Variants in HSPA9 observed in about 807,000 individuals in gnomAD.
HSPA9 encodes stress-70 protein, mitochondrial.
HSPA9 carries 28 observed loss-of-function variants against 81.5 expected under a neutral mutation model. That is an observed-to-expected ratio of 0.34 (90% CI 0.25 to 0.47). The LOEUF (loss-of-function observed/expected upper bound fraction) is 0.47, where lower values mean the gene tolerates loss of function less well. HSPA9 is among the 20% of genes least tolerant of loss of function. The pLI is 1.00. For missense variants in HSPA9, 678 were observed against 838.0 expected, an observed-to-expected ratio of 0.81 and a Z score of 2.36; for synonymous variants, 293 against 290.4, an observed-to-expected ratio of 1.01 and a Z score of -0.09.
intron 3 of HSPA9, among the ~76,000 whole-genome samples, chr5:138,572,508 T>C (rs1267154892): frequency 1.3e-5 from 2 of 152,228 alleles, no homozygotes; most frequent in Admixed American, 1.3e-4. Flanking sequence ...GTAATGCATG[T>C]TGTTCATTGG....
At chr5:138,574,038 C>T (rs750992062) in intron 2 of HSPA9, 30 bp downstream of exon 2, 2 of 1,556,192 alleles carry the variant, frequency 1.3e-6, no homozygotes, top group Non-Finnish European at 1.8e-6. Context: ...AATATGTATT[C>T]CCTCTCAAAG....
chr5:138,560,717 T>C, intron 10 of HSPA9: 1 of 240,304 alleles, frequency 4.2e-6, no homozygotes, highest in Non-Finnish European at 8.6e-6. Context: ...CCCACCAAAT[T>C]TTTTATATTT....
At position 138,553,940 on chromosome 5, in the gene HSPA9, A is replaced by G. The variant is rs1750467860; in HGVS notation, c.*2097T>C. 6.6e-6 allele frequency among the ~76,000 whole-genome samples: 1 copy of G among 152,192 alleles called. No homozygotes were observed. On this transcript the variant is annotated 3_prime_UTR_variant, in exon 17 of 17. Transcript: ENST00000297185. ...TAGAACTGCCAGAGCTAAGACATCCATATTCTTCTAACCTCGGACTAGGAC... is the reference window on the plus strand; with the variant it reads ...TAGAACTGCCAGAGCTAAGACATCCGTATTCTTCTAACCTCGGACTAGGAC...
intron 10 of HSPA9, chr5:138,561,127 G>A: frequency 2.1e-6 from 1 of 477,260 alleles, no homozygotes; most frequent in Non-Finnish European, 4.3e-6. Flanking sequence ...TTGTCAAAGA[G>A]ATGCACTAAG....
chr5:138,574,237 A>C (rs933918595), intron 1 of HSPA9, 111 bp from the exon 2 acceptor site: 1 of 753,860 alleles, frequency 1.3e-6, no homozygotes, highest in Non-Finnish European at 2.4e-6. Flanking sequence ...TAAAACAGTA[A>C]ATATTAAAGT....
chr5:138,559,755 A>T (rs1440616897), intron 11 of HSPA9, 109 bp downstream of exon 11: 1 of 772,734 alleles, frequency 1.3e-6, no homozygotes, highest in East Asian at 2.6e-5. Context: ...CTAAACTGTA[A>T]AACAGATAAA....
chr5:138,567,760 G>C (rs1750797175), intron 5 of HSPA9, 38 bp from the exon 6 acceptor site: 2 of 1,456,888 alleles, frequency 1.4e-6, no homozygotes, highest in Non-Finnish European at 1.9e-6. Context: ...AATTCTGTCA[G>C]AACAGAATTA....
chr5:138,571,960 C>CTTTTTTTTTTTTTTTTTT (rs10694029), intron 3 of HSPA9, among the ~76,000 whole-genome samples: 6 of 100,456 alleles, frequency 6.0e-5, no homozygotes, highest in African/African-American at 2.5e-4. Flanking sequence ...CTGCGCCTGG[C>CTTTTTTTTTTTTTTTTTT]TTTTTTTTTT....
chr5:138,556,523 C>A lies in HSPA9; in HGVS notation c.1891G>T (p.Glu631Ter). The A allele has an allele frequency of 6.2e-7, 1 of 1,614,080 alleles. No individual in the cohort carries two copies. The highest frequency in any genetic ancestry group is 8.5e-7 in the Non-Finnish European group (1 of 1,179,974). Residue 631 changes from glutamate (E) to a stop codon, truncating the protein, a stop_gained, in exon 16 of 17, where the codon GAA becomes TAA. Transcript: ENST00000297185. LOFTEE classifies it high-confidence loss of function. ...LLARKDSETG[E>*]NIRQAASSLQ... ...GAGGATGCTGCCTGTCTAATATTTT[C>A]TCCTGTTTCGCTGTCTTTTCTAGCC...
At chr5:138,566,965 C>G (rs577016116) in intron 8 of HSPA9, 36 bp downstream of exon 8, 3 of 1,588,286 alleles carry the variant, frequency 1.9e-6, no homozygotes, top group African/African-American at 2.7e-5. Flanking sequence ...TTCTCAATAT[C>G]CCAACGTCTA....
chr5:138,556,803 C>T lies in HSPA9; in HGVS notation c.1792G>A (p.Glu598Lys), dbSNP rs374085753. ...TCAGCAGGTAATTGGTCCTTGAATTCTTCCATCTTGGTTTCTGTGTCGTGA... is the reference window on the plus strand; with the variant it reads ...TCAGCAGGTAATTGGTCCTTGAATTTTTCCATCTTGGTTTCTGTGTCGTGA... ...IIHDTETKME[E>K]FKDQLPADEC... The change falls in exon 15 of 17, where the codon GAA becomes AAA. Residue 598 changes from glutamate to lysine, a missense_variant. Coordinates refer to ENST00000297185, the MANE Select transcript of HSPA9 (RefSeq NM_004134.7). 2.3e-5 allele frequency: 37 copies of T among 1,613,748 alleles called. No individual in the cohort carries two copies. Among genetic ancestry groups the T allele is most frequent in the Non-Finnish European group, 3.1e-5 (36 of 1,179,782 alleles).
chr5:138,568,912 T>A lies in HSPA9; in HGVS notation c.535+13A>T. 1 of 1,613,482 alleles carries A rather than the reference T, an allele frequency of 6.2e-7. No individual in the cohort carries two copies. Among genetic ancestry groups the A allele is most frequent in the Non-Finnish European group, 8.5e-7 (1 of 1,179,570 alleles). On this transcript the variant is annotated intron_variant, in intron 5 of 16. Transcript: ENST00000297185. ...TCTTAGAACTTTCCCAGATGTGAAC[T>A]AAACCCACTCACCTGCAGTCTCTTT...
rs752875738 is a variant in HSPA9 at position 138,554,683 on chromosome 5, A to G, written c.*1354T>C. On this transcript the variant is annotated 3_prime_UTR_variant, in exon 17 of 17. Coordinates refer to ENST00000297185, the MANE Select transcript of HSPA9 (RefSeq NM_004134.7). Reference sequence around the variant, plus strand: ...TGTCTGATATTCTAAGCCCATCTTGATAACAGACTCTTTTGAACATGGCAT... The same window carrying G: ...TGTCTGATATTCTAAGCCCATCTTGGTAACAGACTCTTTTGAACATGGCAT... Among the ~76,000 whole-genome samples, 2 of 152,258 alleles carry G rather than the reference A, an allele frequency of 1.3e-5. No individual in the cohort carries two copies. The highest frequency in any genetic ancestry group is 2.9e-5 in the Non-Finnish European group (2 of 68,048).
intron 3 of HSPA9, among the ~76,000 whole-genome samples, chr5:138,571,383 C>G (rs184022367): frequency 6.6e-6 from 1 of 152,142 alleles, no homozygotes; most frequent in East Asian, 1.9e-4. Context: ...GGGGGTTTCA[C>G]CATTTTGGCC....
At chr5:138,563,231 C>G (rs1241335030) in intron 9 of HSPA9, among the ~76,000 whole-genome samples, 2 of 152,190 alleles carry the variant, frequency 1.3e-5, no homozygotes, top group African/African-American at 4.8e-5. Flanking sequence ...CTCAATTCAG[C>G]AACCACTAAC....
At chr5:138,558,034 G>A (rs370012281) in intron 12 of HSPA9, 48 bp from the exon 13 acceptor site, 3 of 1,177,286 alleles carry the variant, frequency 2.5e-6, no homozygotes, top group Admixed American at 1.7e-5. Flanking sequence ...GAGGGGTCCA[G>A]TGCTATTATT....
At position 138,574,134 on chromosome 5, in the gene HSPA9, AG is replaced by A; in HGVS notation, c.82-9del. The A allele has an allele frequency of 3.1e-6, 5 of 1,612,082 alleles. No individual in the cohort carries two copies. Among genetic ancestry groups the A allele is most frequent in the Non-Finnish European group, 4.2e-6 (5 of 1,178,166 alleles). On this transcript the variant is annotated splice_polypyrimidine_tract_variant and intron_variant, in intron 1 of 16. Transcript: ENST00000297185. ...AAGGCCATTCCAGCTATCCTAAAAA[AG>A]AAAAAACTGACTCAGTCACCAACCA...
chr5:138,572,751 C>T (rs886257062), intron 3 of HSPA9, among the ~76,000 whole-genome samples: 14 of 152,096 alleles, frequency 9.2e-5, no homozygotes, highest in Non-Finnish European at 1.8e-4. Context: ...CTTCTCTTGG[C>T]CCTAATTTGG....
At chr5:138,573,951 A>G (rs1389821846) in intron 2 of HSPA9, 101 bp from the exon 3 acceptor site, 2 of 1,247,914 alleles carry the variant, frequency 1.6e-6, no homozygotes, top group East Asian at 2.4e-5. Flanking sequence ...GGTATACTAC[A>G]TAATCTCTAA....
Sources: allele counts gnomAD v4.1 joint callset (sites outside exome capture counted in the v4.1 genomes callset), GRCh38; gene constraint gnomAD v4.1.1; transcripts MANE v1.5; gene names NCBI Gene and HGNC (gene_info 2026-07-23, HGNC 2026-07-21).